Variants in ZFAND1 observed in about 807,000 individuals in gnomAD.
ZFAND1 encodes zinc finger AN1-type containing 1.
In ZFAND1, 40 loss-of-function variants were observed where a neutral mutation model predicts 38.5. The ratio of observed to expected loss-of-function variants is 1.04; its 90% confidence interval spans 0.81 to 1.35. The LOEUF is 1.35. ZFAND1 is among the 40% of genes most tolerant of loss of function. ZFAND1 has a pLI of 0.00. For missense variants in ZFAND1, 346 were observed against 316.3 expected, an observed-to-expected ratio of 1.09 and a Z score of -0.71; for synonymous variants, 117 against 103.6, an observed-to-expected ratio of 1.13 and a Z score of -0.78.
chr8:81,703,043 T>C lies in ZFAND1; in HGVS notation c.562A>G (p.Ser188Gly). The change falls in exon 7 of 8, where the codon AGC becomes GGC. Residue 188 changes from serine to glycine, a missense_variant. Coordinates refer to ENST00000220669, the MANE Select transcript of ZFAND1 (RefSeq NM_024699.3). ...SKPMFFCHRW[S>G]IGKAIDFAAS... The stretch of plus-strand genomic sequence containing the variant: ...GCAAAGTCTATGGCCTTTCCAATGC[T>C]CCATCGGTGGCAAAAGAACATTGGT... The C allele has an allele frequency of 6.3e-7, 1 of 1,581,146 alleles. No homozygotes were observed.
In ZFAND1 at chr8:81,718,210, C is replaced by G; in HGVS notation, c.70G>C (p.Val24Leu). ...AATATTCCTGAACAATCATCACACACAAATGGAAGAAAATCTAAAATTGAG... is the reference window on the plus strand; with the variant it reads ...AATATTCCTGAACAATCATCACACAGAAATGGAAGAAAATCTAAAATTGAG... Reference protein sequence around the residue: ...HCRQRDFLPFVCDDCSGIFCL... With the variant: ...HCRQRDFLPFLCDDCSGIFCL... Residue 24 changes from valine (V) to leucine (L), a missense_variant, in exon 2 of 8, where the codon GTG (valine) becomes CTG (leucine). Physicochemically the swap from Val to Leu is conservative, Grantham distance 32 (BLOSUM62 1). Coordinates refer to ENST00000220669, the MANE Select transcript of ZFAND1 (RefSeq NM_024699.3). 6.4e-7 allele frequency: 1 copy of G among 1,572,956 alleles called. No individual in the cohort carries two copies. The highest frequency in any genetic ancestry group is 8.6e-7 in the Non-Finnish European group (1 of 1,159,222).
chr8:81,718,033 G>T, intron 2 of ZFAND1, 149 bp downstream of exon 2: 1 of 509,646 alleles, frequency 2.0e-6, no homozygotes. Flanking sequence ...CATATATATG[G>T]AGAAGTAATC....
chr8:81,715,207 G>A, intron 3 of ZFAND1, 93 bp from the exon 4 acceptor site: 1 of 1,413,708 alleles, frequency 7.1e-7, no homozygotes, highest in Non-Finnish European at 9.6e-7. Context: ...TTTTATTTTT[G>A]CTTAAACTTA....
intron 1 of ZFAND1, among the ~76,000 whole-genome samples, chr8:81,718,867 T>C (rs1200244921): frequency 6.6e-6 from 1 of 151,720 alleles, no homozygotes; most frequent in African/African-American, 2.4e-5. Flanking sequence ...TGTGTTTCTA[T>C]ATATGTATGT....
Position 81,701,708 on chromosome 8 carries a change from G to T in ZFAND1, c.*987C>A, listed in dbSNP as rs1033615408. On this transcript the variant is annotated 3_prime_UTR_variant, in exon 8 of 8. Coordinates refer to ENST00000220669, the MANE Select transcript of ZFAND1 (RefSeq NM_024699.3). ...TAAAAATAATATGAAGAATTAGAAA[G>T]GAAATAAACCAAATGAGCATTCCAA... 1 of 152,102 alleles carries T rather than the reference G, an allele frequency of 6.6e-6. No homozygotes were observed. The highest frequency in any genetic ancestry group is 6.5e-5 in the Admixed American group (1 of 15,276). The allele number at this position is 152,102 out of a possible 1,614,324, so 9.4% of individuals were successfully genotyped here.
intron 3 of ZFAND1, among the ~76,000 whole-genome samples, chr8:81,716,974 T>C (rs1311720271): frequency 6.6e-6 from 1 of 151,856 alleles, no homozygotes; most frequent in East Asian, 1.9e-4. Context: ...AACAAACAAA[T>C]AAATAAATAT....
At chr8:81,721,148 C>A in intron 1 of ZFAND1, 79 bp downstream of exon 1, 3 of 1,523,156 alleles carry the variant, frequency 2.0e-6, no homozygotes, top group South Asian at 1.2e-5. Flanking sequence ...TCCCTTCACC[C>A]GCCGCCACCA....
In ZFAND1 at chr8:81,703,131, A is replaced by G; in HGVS notation, c.481-7T>C. The G allele has an allele frequency of 6.7e-7, 1 of 1,484,676 alleles. No individual in the cohort carries two copies. Among genetic ancestry groups the G allele is most frequent in the Non-Finnish European group, 9.0e-7 (1 of 1,111,042 alleles). 92.0% of individuals were successfully genotyped at this position (1,484,676 alleles called of 1,614,324 possible). On this transcript the variant is annotated splice_region_variant and splice_polypyrimidine_tract_variant and intron_variant, in intron 6 of 7. Transcript: ENST00000220669. ...GAAAGTAAATTCTTTCTGTCTGTAA[A>G]AAGAAAAAGTTAAAACAACCATTAC...
At chr8:81,712,431 G>GA (rs1450109989) in intron 6 of ZFAND1, among the ~76,000 whole-genome samples, 1 of 151,912 alleles carries the variant, frequency 6.6e-6, no homozygotes, top group Non-Finnish European at 1.5e-5. Flanking sequence ...AAAATCTGCA[G>GA]AAAAAACTCA....
At chr8:81,707,249 A>C (rs914240890) in intron 6 of ZFAND1, among the ~76,000 whole-genome samples, 1 of 152,212 alleles carries the variant, frequency 6.6e-6, no homozygotes, top group African/African-American at 2.4e-5. Context: ...TGGAATCCTC[A>C]GGACATAAAA....
chr8:81,716,792 C>T (rs758530470), intron 3 of ZFAND1, among the ~76,000 whole-genome samples: 2 of 152,036 alleles, frequency 1.3e-5, no homozygotes, highest in African/African-American at 4.8e-5. Context: ...TACTAAAATA[C>T]AAAAATTAGT....
chr8:81,717,384 T>C (rs755098242), intron 2 of ZFAND1, 96 bp from the exon 3 acceptor site: 1 of 865,408 alleles, frequency 1.2e-6, no homozygotes, highest in Non-Finnish European at 1.7e-6. Context: ...TTAAGATACA[T>C]TATGCTCATA....
intron 1 of ZFAND1, among the ~76,000 whole-genome samples, chr8:81,719,125 A>G (rs1022368775): frequency 2.0e-5 from 3 of 152,136 alleles, no homozygotes; most frequent in Non-Finnish European, 2.9e-5. Flanking sequence ...ACTATAATTA[A>G]TAAGAATAAT....
At chr8:81,713,381 C>A (rs1808201189) in intron 6 of ZFAND1, among the ~76,000 whole-genome samples, 2 of 152,076 alleles carry the variant, frequency 1.3e-5, no homozygotes, top group Admixed American at 1.3e-4. Flanking sequence ...TCTTGGCCTC[C>A]CAAAGTGCTA....
In ZFAND1 at chr8:81,701,857, T is replaced by C. The variant is rs944493302; in HGVS notation, c.*838A>G. ...CTATATAGTAGTAGTTTTGGGGGTA[T>C]AGATAGTAAACACTAGTCAAGAATA... On this transcript the variant is annotated 3_prime_UTR_variant, in exon 8 of 8. Coordinates refer to ENST00000220669, the MANE Select transcript of ZFAND1 (RefSeq NM_024699.3). 1.1e-4 allele frequency: 16 copies of C among 152,324 alleles called. 1 individual carries two copies. The South Asian group carries it at 1.9e-3, about 18-fold the overall frequency. 9.4% of individuals were successfully genotyped at this position (152,324 alleles called of 1,614,324 possible).
intron 6 of ZFAND1, among the ~76,000 whole-genome samples, chr8:81,710,659 T>C (rs1327018523): frequency 6.6e-6 from 1 of 151,962 alleles, no homozygotes; most frequent in African/African-American, 2.4e-5. Context: ...ACAAAAAAAG[T>C]TGAAATATAA....
chr8:81,707,888 G>C (rs759001821), intron 6 of ZFAND1, among the ~76,000 whole-genome samples: 1 of 152,022 alleles, frequency 6.6e-6, no homozygotes, highest in African/African-American at 2.4e-5. Flanking sequence ...TAAACAACTG[G>C]AAGAAAATAA....
chr8:81,713,102 T>C (rs540583077), intron 6 of ZFAND1, among the ~76,000 whole-genome samples: 1 of 143,450 alleles, frequency 7.0e-6, no homozygotes, highest in South Asian at 2.4e-4. Context: ...ACAATCTTTT[T>C]TTGTTTGTTC....
chr8:81,706,366 GAAAC>G (rs998572050), intron 6 of ZFAND1, among the ~76,000 whole-genome samples: 1 of 6,844 alleles, frequency 1.5e-4, no homozygotes, highest in Non-Finnish European at 3.5e-4. Flanking sequence ...TAAGGAAGGA[GAAAC>G]AAAAAAAAAA....
Sources: gnomAD v4.1 joint callset for allele counts (sites outside exome capture counted in the v4.1 genomes callset) on GRCh38, gnomAD v4.1.1 for gene constraint, MANE v1.5 for transcripts, NCBI Gene and HGNC (gene_info 2026-07-23, HGNC 2026-07-21) for gene names.